The following ACTL6B variants were observed in gnomAD, a reference collection of about 807,000 sequenced individuals.
ACTL6B encodes the protein actin like 6B.
ACTL6B carries 48 observed loss-of-function variants against 63.3 expected under a neutral mutation model. That is an observed-to-expected ratio of 0.76 (90% CI 0.60 to 0.96). The LOEUF (loss-of-function observed/expected upper bound fraction) is 0.96. ACTL6B is among the 50% of genes least tolerant of loss of function. The pLI is 0.00. For missense variants in ACTL6B, 350 were observed against 572.2 expected (o/e 0.61, Z 3.96); for synonymous variants, 230 against 223.8 (o/e 1.03, Z -0.25).
chr7:100,656,023 G>A (rs936673441), intron 1 of ACTL6B, 144 bp from the exon 2 acceptor site: 11 of 888,252 alleles, frequency 1.2e-5, no homozygotes, highest in Non-Finnish European at 1.5e-5. Context: ...TGGAGTCCGA[G>A]GTCCTGGGAC....
intron 4 of ACTL6B, 144 bp downstream of exon 4, chr7:100,654,875 T>G: frequency 6.1e-6 from 4 of 654,726 alleles, no homozygotes; most frequent in East Asian, 2.8e-5. Context: ...AGGAAGGAAA[T>G]TGTTTGGGAT....
At chr7:100,653,921 T>C (rs554260865) in intron 4 of ACTL6B, among the ~76,000 whole-genome samples, 21 of 152,028 alleles carry the variant, frequency 1.4e-4, no homozygotes, top group Admixed American at 1.3e-3. Context: ...GTTGCTTTTA[T>C]AAAGAGGAAT....
In ACTL6B at chr7:100,648,495, G is replaced by A; in HGVS notation, c.669+61C>T. On this transcript the variant is annotated intron_variant, in intron 7 of 13. Transcript: ENST00000160382. This position sits in a 1 kb window ranked among gnomAD's most constrained non-coding sequence, Gnocchi z 4.4. ...CTGATATCTCATGTGTCAGAGGGTT[G>A]ACGGCCATGGGGCGAGTGGCCAGGA... The A allele has an allele frequency of 2.9e-6, 4 of 1,399,092 alleles. No individual in the cohort carries two copies. The highest frequency in any genetic ancestry group is 1.4e-5 in the South Asian group (1 of 70,928). The allele number at this position is 1,399,092 out of a possible 1,614,324, so 86.7% of individuals were successfully genotyped here.
In ACTL6B at chr7:100,646,391, G is replaced by A; in HGVS notation, c.1114-56C>T. On this transcript the variant is annotated intron_variant, in intron 12 of 13. Transcript: ENST00000160382. This position sits in a 1 kb window ranked among gnomAD's most constrained non-coding sequence, Gnocchi z 6.1. ...ACACCTAGGTTCTGGGAAGGGACAGGGCTTGGGGGAGAGGGGAAGACTTGG... is the reference window on the plus strand; with the variant it reads ...ACACCTAGGTTCTGGGAAGGGACAGAGCTTGGGGGAGAGGGGAAGACTTGG... 6.3e-7 allele frequency: 1 copy of A among 1,593,986 alleles called. No homozygotes were observed.
chr7:100,654,432 CATAATAATAATA>C (rs146623180), intron 4 of ACTL6B, among the ~76,000 whole-genome samples: 15,069 of 137,364 alleles, frequency 0.11, 872 homozygotes, highest in South Asian at 0.13. Context: ...CAAAGTTGAC[CATAATAATAATA>C]ATAATAATAA....
chr7:100,643,362 C>G (rs1181021173), intron 13 of ACTL6B, 36 bp from the exon 14 acceptor site: 4 of 1,609,888 alleles, frequency 2.5e-6, no homozygotes, highest in Non-Finnish European at 2.5e-6. Flanking sequence ...TCAGGGTGGC[C>G]TTGGAGGGAG....
Position 100,646,176 on chromosome 7 carries a change from C to T in ACTL6B, c.1200+73G>A. The T allele has an allele frequency of 7.7e-7, 1 of 1,296,718 alleles. No individual in the cohort carries two copies. Among genetic ancestry groups the T allele is most frequent in the East Asian group, 2.4e-5 (1 of 41,806 alleles). 80.3% of individuals were successfully genotyped at this position (1,296,718 alleles called of 1,614,324 possible). ...ATGAATGAATGAACGAAGAGGCAGT[C>T]AAAGTGGCGGGCACTGTCTGGGTCT... is the stretch of plus-strand genomic sequence containing the variant. On this transcript the variant is annotated intron_variant, in intron 13 of 13. Transcript: ENST00000160382. This position sits in a 1 kb window ranked among gnomAD's most constrained non-coding sequence, Gnocchi z 6.1.
In ACTL6B at chr7:100,647,161, G is replaced by GA; in HGVS notation, c.821+61_821+62insT. 1.3e-6 allele frequency: 2 copies of GA among 1,591,174 alleles called. No individual in the cohort carries two copies. The highest frequency in any genetic ancestry group is 1.7e-6 in the Non-Finnish European group (2 of 1,159,720). ...GCGTGGGCAGCACCAGAGCCCCCCAGCCCACCCCAAGAGTGCCGGTTCTGC... is the reference window on the plus strand; with the variant it reads ...GCGTGGGCAGCACCAGAGCCCCCCAGACCCACCCCAAGAGTGCCGGTTCTGC... On this transcript the variant is annotated intron_variant, in intron 9 of 13. Transcript: ENST00000160382. This position sits in a 1 kb window ranked among gnomAD's most constrained non-coding sequence, Gnocchi z 4.4.
chr7:100,656,181 ACCGAGCGCAGGGGTGGCGGGAGAC>A, intron 1 of ACTL6B, 125 bp downstream of exon 1: 1 of 990,642 alleles, frequency 1.0e-6, no homozygotes, highest in Non-Finnish European at 1.4e-6. Flanking sequence ...TCTGGGGAGG[ACCGAGCGCAGGGGTGGCGGGAGAC>A]CCGAGCCTGA....
chr7:100,650,353 CACAT>C lies in ACTL6B; in HGVS notation c.370-222_370-219del, dbSNP rs535911038. On this transcript the variant is annotated intron_variant, in intron 4 of 13. Coordinates refer to ENST00000160382, the MANE Select transcript of ACTL6B (RefSeq NM_016188.5). ...ACACACACATACACTCAAACACACACACATACACTCACATTCACAGACACACATA... is the reference window on the plus strand; with the variant it reads ...ACACACACATACACTCAAACACACACACACTCACATTCACAGACACACATA... 1.5e-3 allele frequency among the ~76,000 whole-genome samples: 223 copies of C among 151,978 alleles called. 1 individual carries two copies. Among genetic ancestry groups the C allele is most frequent in the African/African-American group, 5.1e-3 (211 of 41,488 alleles).
intron 4 of ACTL6B, among the ~76,000 whole-genome samples, chr7:100,650,881 A>G (rs1415256031): frequency 6.6e-6 from 1 of 152,190 alleles, no homozygotes; most frequent in Non-Finnish European, 1.5e-5. Context: ...AGAAAATCCC[A>G]AGAGAGAAAA....
At position 100,655,980 on chromosome 7, in the gene ACTL6B, C is replaced by G. The variant is rs1804032756; in HGVS notation, c.26-101G>C. Reference sequence around the variant, plus strand: ...GGCAGAGCCACAGTCTCGCCACTTTCAACACCAGTCTGGGGCCGGTGGGAG... The same window carrying G: ...GGCAGAGCCACAGTCTCGCCACTTTGAACACCAGTCTGGGGCCGGTGGGAG... On this transcript the variant is annotated intron_variant, in intron 1 of 13. Transcript: ENST00000160382. This position sits in a 1 kb window ranked among gnomAD's most constrained non-coding sequence, Gnocchi z 4.4. The G allele has an allele frequency of 1.6e-6, 2 of 1,230,968 alleles. No homozygotes were observed. Among genetic ancestry groups the G allele is most frequent in the Non-Finnish European group, 2.3e-6 (2 of 887,642 alleles). The allele number at this position is 1,230,968 out of a possible 1,614,324, so 76.3% of individuals were successfully genotyped here.
Position 100,647,427 on chromosome 7 carries a change from C to T in ACTL6B, c.759+17G>A, listed in dbSNP as rs761132428. The stretch of plus-strand genomic sequence containing the variant: ...GCAGGGGAGGGGGGTTTCAGGTGGC[C>T]CTCTCCAGAGGCTCACATTACACAT... On this transcript the variant is annotated intron_variant, in intron 8 of 13. Coordinates refer to ENST00000160382, the MANE Select transcript of ACTL6B (RefSeq NM_016188.5). The surrounding 1 kb of genome is among the most constrained non-coding windows in gnomAD (Gnocchi z 4.4). 1 of 1,611,408 alleles carries T rather than the reference C, an allele frequency of 6.2e-7. No homozygotes were observed. Among genetic ancestry groups the T allele is most frequent in the Admixed American group, 1.7e-5 (1 of 59,884 alleles).
chr7:100,651,516 C>T (rs1186079594), intron 4 of ACTL6B, among the ~76,000 whole-genome samples: 1 of 151,070 alleles, frequency 6.6e-6, no homozygotes, highest in African/African-American at 2.4e-5. Flanking sequence ...CGCCATTGCA[C>T]TCCAGCCTGG....
intron 13 of ACTL6B, among the ~76,000 whole-genome samples, chr7:100,645,225 C>G (rs1185876473): frequency 6.6e-6 from 1 of 152,038 alleles, no homozygotes; most frequent in African/African-American, 2.4e-5. Flanking sequence ...GCCCCACTGT[C>G]CCCTCTGTGT....
chr7:100,649,813 G>T, intron 5 of ACTL6B: 1 of 499,544 alleles, frequency 2.0e-6, no homozygotes, highest in Non-Finnish European at 3.7e-6. Context: ...TGTCTGCTCA[G>T]CCTGATCCGG....
At chr7:100,650,380 A>AT (rs1803918068) in intron 4 of ACTL6B, among the ~76,000 whole-genome samples, 1 of 151,746 alleles carries the variant, frequency 6.6e-6, no homozygotes, top group South Asian at 2.1e-4. Context: ...ACAGACACAC[A>AT]TAAACACACA....
rs1803817578 is a variant in ACTL6B, at chr7:100,646,171, GCAGT to G, written c.1200+74_1200+77del. ...GTTGAATGAATGAATGAACGAAGAG[GCAGT>G]CAAAGTGGCGGGCACTGTCTGGGTC... On this transcript the variant is annotated intron_variant, in intron 13 of 13. Coordinates refer to ENST00000160382, the MANE Select transcript of ACTL6B (RefSeq NM_016188.5). This position sits in a 1 kb window ranked among gnomAD's most constrained non-coding sequence, Gnocchi z 6.1. The G allele has an allele frequency of 1.7e-5, 20 of 1,172,858 alleles. 1 individual carries two copies. Among genetic ancestry groups the G allele is most frequent in the Middle Eastern group, 3.8e-4 (2 of 5,254 alleles). 72.7% of individuals were successfully genotyped at this position (1,172,858 alleles called of 1,614,324 possible).
At position 100,647,272 on chromosome 7, in the gene ACTL6B, C is replaced by T; in HGVS notation, c.772G>A (p.Asp258Asn). The T allele has an allele frequency of 6.2e-7, 1 of 1,613,280 alleles. No homozygotes were observed. The highest frequency in any genetic ancestry group is 8.5e-7 in the Non-Finnish European group (1 of 1,179,922). Residue 258 changes from aspartate to asparagine, a missense_variant, in exon 9 of 14, where the codon GAC (aspartate) becomes AAC (asparagine). Physicochemically the swap from Asp to Asn is conservative, Grantham distance 23. Coordinates refer to ENST00000160382, the MANE Select transcript of ACTL6B (RefSeq NM_016188.5). The surrounding 1 kb of genome is among the most constrained non-coding windows in gnomAD (Gnocchi z 4.4). The part of the protein sequence containing the change: ...HNYMCNEVIQ[D>N]FQASVLQVSD... ...ACCTGCAGCACGGAGGCCTGGAAGT[C>T]CTGGATCACCTCCTGAAATCCCAGC...
Sources: allele counts gnomAD v4.1 joint callset (sites outside exome capture counted in the v4.1 genomes callset), GRCh38; gene constraint gnomAD v4.1.1; non-coding constraint Gnocchi (gnomAD v3.1); transcripts MANE v1.5; gene names NCBI Gene and HGNC (gene_info 2026-07-23, HGNC 2026-07-21).